The following CIMIP2A variants were observed in gnomAD, a reference collection of about 807,000 sequenced individuals.
CIMIP2A encodes family with sequence similarity 166 member A.
the CIMIP2A span, chr9:137,245,513 G>C: frequency 1.2e-6 from 2 of 1,613,744 alleles, no homozygotes; most frequent in Non-Finnish European, 1.7e-6. Context: ...ACCTCCAAGG[G>C]TGGGAGCTGG....
chr9:137,252,864 C>T, the CIMIP2A span: 3 of 1,584,672 alleles, frequency 1.9e-6, no homozygotes, highest in African/African-American at 1.3e-5. Context: ...TGCCCTGGCC[C>T]CAACACCTAC....
At chr9:137,253,175 C>T in the CIMIP2A span, 143 of 1,605,164 alleles carry the variant, frequency 8.9e-5, 2 homozygotes, top group East Asian at 2.6e-3. Context: ...TTCCCTTCGG[C>T]GCCTGGCGTG....
the CIMIP2A span, among the ~76,000 whole-genome samples, chr9:137,254,441 G>GT: frequency 6.6e-6 from 1 of 152,238 alleles, no homozygotes; most frequent in Non-Finnish European, 1.5e-5. Context: ...CACCCCTGGT[G>GT]AGACCCAAAG....
the CIMIP2A span, chr9:137,252,298 G>A: frequency 7.6e-7 from 1 of 1,321,882 alleles, no homozygotes; most frequent in South Asian, 1.4e-5. Flanking sequence ...GAGAGAGGAG[G>A]GCTAGGGCTG....
the CIMIP2A span, chr9:137,253,273 C>G: frequency 2.5e-6 from 4 of 1,591,404 alleles, no homozygotes; most frequent in Non-Finnish European, 3.4e-6. Flanking sequence ...CTGCTTGGCC[C>G]GGCCACCGAG....
the CIMIP2A span, chr9:137,245,152 C>T: frequency 5.0e-6 from 8 of 1,589,924 alleles, no homozygotes; most frequent in Non-Finnish European, 6.8e-6. Context: ...TGGAAGCTGC[C>T]CACATCTAGC....
chr9:137,245,175 C>T, the CIMIP2A span: 63 of 1,569,584 alleles, frequency 4.0e-5, no homozygotes, highest in East Asian at 6.8e-5. Flanking sequence ...CTCCTGCTGG[C>T]GGCGGGCGGG....
the CIMIP2A span, chr9:137,244,324 C>A: frequency 6.2e-7 from 1 of 1,612,156 alleles, no homozygotes; most frequent in Non-Finnish European, 8.5e-7. Flanking sequence ...AGCTCCCTCC[C>A]CGGCAGGCAA....
chr9:137,244,799 C>T, the CIMIP2A span: 6 of 1,589,190 alleles, frequency 3.8e-6, no homozygotes, highest in Admixed American at 1.8e-5. Flanking sequence ...GGCACACCCA[C>T]CTGCCCTCAG....
At chr9:137,244,348 T>A in the CIMIP2A span, 1 of 1,608,768 alleles carries the variant, frequency 6.2e-7, no homozygotes, top group Non-Finnish European at 8.5e-7. Flanking sequence ...GATAGTCAAG[T>A]TGTCCCAGTG....
the CIMIP2A span, chr9:137,245,161 G>A: frequency 1.9e-6 from 3 of 1,552,146 alleles, no homozygotes; most frequent in African/African-American, 1.4e-5. Flanking sequence ...CCCACATCTA[G>A]CGTCTCCTGC....
At chr9:137,253,002 G>A in the CIMIP2A span, 1 of 1,556,846 alleles carries the variant, frequency 6.4e-7, no homozygotes, top group Admixed American at 1.8e-5. Context: ...TAGGGATGGG[G>A]CATGGGTGGG....
chr9:137,248,264 G>A, the CIMIP2A span, among the ~76,000 whole-genome samples: 6 of 152,154 alleles, frequency 3.9e-5, no homozygotes, highest in Admixed American at 1.3e-4. Context: ...ATGAAGGAAG[G>A]CGGCCAGGCA....
chr9:137,245,528 G>A, the CIMIP2A span: 3 of 1,613,826 alleles, frequency 1.9e-6, no homozygotes, highest in Non-Finnish European at 2.5e-6. Flanking sequence ...AGCTGGCCCA[G>A]AATCTCAAAG....
At chr9:137,245,671 T>G in the CIMIP2A span, 9 of 1,606,256 alleles carry the variant, frequency 5.6e-6, no homozygotes, top group Non-Finnish European at 7.7e-6. Flanking sequence ...CTCCGTCAGG[T>G]CTTGGCAGGG....
At chr9:137,252,925 G>T in the CIMIP2A span, 5 of 1,600,152 alleles carry the variant, frequency 3.1e-6, no homozygotes, top group African/African-American at 1.3e-5. Flanking sequence ...CGGCCTTCTC[G>T]ATGAGCCGCT....
At chr9:137,244,340 T>TG in the CIMIP2A span, 17 of 1,597,270 alleles carry the variant, frequency 1.1e-5, no homozygotes, top group Admixed American at 3.4e-5. Flanking sequence ...GGCAAACAGA[T>TG]AGTCAAGTTG....
chr9:137,249,017 G>GTTT, the CIMIP2A span, among the ~76,000 whole-genome samples: 1 of 149,828 alleles, frequency 6.7e-6, no homozygotes, highest in Non-Finnish European at 1.5e-5. Context: ...AGACTAATAT[G>GTTT]GTTTTTTTTT....
chr9:137,245,182 C>T, the CIMIP2A span: 102 of 1,560,430 alleles, frequency 6.5e-5, no homozygotes, highest in South Asian at 7.4e-4. Context: ...TGGCGGCGGG[C>T]GGGGGGTGGG....
Sources: allele counts gnomAD v4.1 joint callset (sites outside exome capture counted in the v4.1 genomes callset), GRCh38; gene constraint gnomAD v4.1.1; transcripts MANE v1.5; gene names NCBI Gene and HGNC (gene_info 2026-07-23, HGNC 2026-07-21).